The following HDGFL2 variants were observed in gnomAD, a reference collection of about 807,000 sequenced individuals.
The protein encoded by HDGFL2 is hepatoma-derived growth factor-related protein 2.
A neutral mutation model predicts 77.1 loss-of-function variants in HDGFL2; 36 were observed. The observed-to-expected ratio is 0.47, with a 90% CI of 0.36 to 0.62. The LOEUF (loss-of-function observed/expected upper bound fraction) is 0.62. Among genes scored for constraint, HDGFL2 ranks in the 20% least tolerant of loss-of-function variants. The probability of loss-of-function intolerance (pLI) is 0.00; values close to 1 mark genes in which losing one functional copy is unlikely to be tolerated. For synonymous variants in HDGFL2, 463 were observed against 413.1 expected (o/e 1.12, Z -1.46); for missense variants, 976 against 973.4 (o/e 1.00, Z -0.04).
chr19:4,497,754 G>T, intron 10 of HDGFL2: 1 of 576,526 alleles, frequency 1.7e-6, no homozygotes, highest in Non-Finnish European at 3.1e-6. Context: ...TTGTATCTTT[G>T]GGCAGCTCGA....
At chr19:4,492,715 G>A (rs1457376597) in intron 6 of HDGFL2, among the ~76,000 whole-genome samples, 1 of 143,548 alleles carries the variant, frequency 7.0e-6, no homozygotes, top group East Asian at 2.0e-4. Flanking sequence ...TCTGTGTGTG[G>A]TGTGTGGTGT....
At chr19:4,497,385 G>C in intron 10 of HDGFL2, 4 of 309,002 alleles carry the variant, frequency 1.3e-5, no homozygotes, top group East Asian at 2.1e-4. Flanking sequence ...TTTTAGTAGA[G>C]ACGGGGCTTC....
chr19:4,482,755 T>C (rs1443928187), intron 3 of HDGFL2, among the ~76,000 whole-genome samples: 1 of 152,198 alleles, frequency 6.6e-6, no homozygotes, highest in Non-Finnish European at 1.5e-5. Flanking sequence ...TTACTTGACC[T>C]CTCCCTGCCT....
intron 3 of HDGFL2, among the ~76,000 whole-genome samples, chr19:4,478,208 T>TTG (rs1188402541): frequency 5.3e-5 from 8 of 151,164 alleles, no homozygotes; most frequent in South Asian, 2.1e-4. Context: ...TTTTTTTTTT[T>TTG]TTGTTTTTTG....
Position 4,493,968 on chromosome 19 carries a change from T to C in HDGFL2, c.839-14T>C, listed in dbSNP as rs779293426. 1.9e-6 allele frequency: 3 copies of C among 1,603,680 alleles called. No individual in the cohort carries two copies. In the South Asian group the frequency reaches 3.4e-5, roughly 18 times the overall value. On this transcript the variant is annotated splice_polypyrimidine_tract_variant and intron_variant, in intron 7 of 15. Coordinates refer to ENST00000616600, the MANE Select transcript of HDGFL2 (RefSeq NM_001001520.3). The stretch of plus-strand genomic sequence containing the variant: ...CCTGGAAGGGAAGGTCACCCCCTCC[T>C]CCTCTTCCTGTAGCGGAGAAGCCTC...
In HDGFL2 at chr19:4,493,689, C is replaced by T. The variant is rs2145200982; in HGVS notation, c.679-14C>T. ...GGGCTCCTGATGCTCACGCCTGTCC[C>T]TGCTTCTCCCCAGAAGGCGCCATCA... On this transcript the variant is annotated splice_polypyrimidine_tract_variant and intron_variant, in intron 6 of 15. Coordinates refer to ENST00000616600, the MANE Select transcript of HDGFL2 (RefSeq NM_001001520.3). The T allele has an allele frequency of 6.9e-7, 1 of 1,449,462 alleles. No homozygotes were observed. The highest frequency in any genetic ancestry group is 1.4e-5 in the South Asian group (1 of 69,040). The allele number at this position is 1,449,462 out of a possible 1,614,324, so 89.8% of individuals were successfully genotyped here. A position where few individuals can be genotyped will look rare whatever the true frequency, so the allele number is the denominator to read the frequency against.
chr19:4,493,959 A>T, intron 7 of HDGFL2, 23 bp from the exon 8 acceptor site: 1 of 1,590,268 alleles, frequency 6.3e-7, no homozygotes, highest in Non-Finnish European at 8.6e-7. Context: ...AGGGAAGGTC[A>T]CCCCCTCCTC....
Position 4,472,375 on chromosome 19 carries a change from G to T in HDGFL2, c.25G>T (p.Asp9Tyr). 1 of 1,519,864 alleles carries T rather than the reference G, an allele frequency of 6.6e-7. No homozygotes were observed. The allele number at this position is 1,519,864 out of a possible 1,614,324, so 94.1% of individuals were successfully genotyped here. A position where few individuals can be genotyped will look rare whatever the true frequency, so the allele number is the denominator to read the frequency against. ...CATGCCACACGCCTTCAAGCCCGGG[G>T]ACTTGGTGTTCGCTAAGATGAAGGG... MPHAFKPG[D>Y]LVFAKMKGYP... The change falls in exon 1 of 16, where the codon GAC (aspartate) becomes TAC (tyrosine). Residue 9 changes from aspartate to tyrosine, a missense_variant. Coordinates refer to ENST00000616600, the MANE Select transcript of HDGFL2 (RefSeq NM_001001520.3).
chr19:4,480,599 A>T (rs780584583), intron 3 of HDGFL2, among the ~76,000 whole-genome samples: 2 of 152,084 alleles, frequency 1.3e-5, no homozygotes, highest in African/African-American at 2.4e-5. Flanking sequence ...GGTGCCTGTG[A>T]TCCCAGCTAC....
intron 3 of HDGFL2, among the ~76,000 whole-genome samples, chr19:4,481,194 T>A (rs1210112036): frequency 7.1e-6 from 1 of 140,736 alleles, no homozygotes; most frequent in African/African-American, 2.6e-5. Context: ...GCTAATTTTT[T>A]TTTTTTTTTT....
chr19:4,498,699 A>G lies in HDGFL2; in HGVS notation c.1474-115A>G, dbSNP rs1975774581. On this transcript the variant is annotated intron_variant, in intron 12 of 15. Transcript: ENST00000616600. ...CGGGGGCTGAGGGGAGCTGTTCTGCAGATACAGCTCCCCTCAAGGAGAGCC... is the reference window on the plus strand; with the variant it reads ...CGGGGGCTGAGGGGAGCTGTTCTGCGGATACAGCTCCCCTCAAGGAGAGCC... 14 of 698,082 alleles carry G rather than the reference A, an allele frequency of 2.0e-5. No homozygotes were observed. In the South Asian group the frequency reaches 2.3e-4, roughly 11 times the overall value. The allele number at this position is 698,082 out of a possible 1,614,324, so 43.2% of individuals were successfully genotyped here.
intron 3 of HDGFL2, among the ~76,000 whole-genome samples, chr19:4,478,689 T>C (rs1975135008): frequency 7.4e-6 from 1 of 134,634 alleles, no homozygotes; most frequent in Non-Finnish European, 1.5e-5. Flanking sequence ...GGTTGGTTGG[T>C]TTTTTTTTTT....
chr19:4,475,185 G>A, intron 1 of HDGFL2, 90 bp from the exon 2 acceptor site: 1 of 1,108,794 alleles, frequency 9.0e-7, no homozygotes, highest in Non-Finnish European at 1.3e-6. Context: ...CCTCCTCCCA[G>A]CGTGATTTGC....
rs375705408 is a variant in HDGFL2, at chr19:4,475,362, C to G, written c.149+11C>G. On this transcript the variant is annotated intron_variant, in intron 2 of 15. Transcript: ENST00000616600. Reference sequence around the variant, plus strand: ...TGGCACACACGAAACGTAAGTGTCCCCTTCTGGGGCTTGGTTTTCTCCTCT... The same window carrying G: ...TGGCACACACGAAACGTAAGTGTCCGCTTCTGGGGCTTGGTTTTCTCCTCT... The G allele has an allele frequency of 6.3e-5, 101 of 1,613,986 alleles. No individual in the cohort carries two copies. In the African/African-American group the frequency reaches 1.2e-3, roughly 19 times the overall value.
At position 4,499,504 on chromosome 19, in the gene HDGFL2, A is replaced by G. The variant is rs1346921852; in HGVS notation, c.1589A>G (p.Lys530Arg). The change falls in exon 14 of 16, where the codon AAA becomes AGA. Residue 530 changes from lysine (K) to arginine (R), a missense_variant. By Grantham distance (26) the Lys-to-Arg change is conservative (BLOSUM62 2). Transcript: ENST00000616600. Reference protein sequence around the residue: ...VATLKKIRRYKANKDVMEKAA... With the variant: ...VATLKKIRRYRANKDVMEKAA... ...CTTGGTGGCCAGATTCGCCGTTACA[A>G]AGCGAACAAGGACGTAATGGAGAAG... 1.2e-6 allele frequency: 2 copies of G among 1,613,494 alleles called. No homozygotes were observed. The highest frequency in any genetic ancestry group is 1.7e-5 in the Admixed American group (1 of 59,962).
chr19:4,487,652 C>G (rs541756662), intron 3 of HDGFL2, among the ~76,000 whole-genome samples: 1 of 152,330 alleles, frequency 6.6e-6, no homozygotes, highest in African/African-American at 2.4e-5. Context: ...TTCAGGGTCT[C>G]CCGCTAGAAA....
chr19:4,491,645 C>T lies in HDGFL2; in HGVS notation c.569C>T (p.Ser190Leu), dbSNP rs76043051. ...ASVSPSEEEN[S>L]ESSSESEKTS... ...GTGTCCCCATCCGAAGAGGAGAACT[C>T]GGAAAGCTCATCTGAGTCGGAGAAG... is the stretch of plus-strand genomic sequence containing the variant. Residue 190 changes from serine to leucine, a missense_variant, in exon 5 of 16, where the codon TCG becomes TTG. Coordinates refer to ENST00000616600, the MANE Select transcript of HDGFL2 (RefSeq NM_001001520.3). 9.6e-4 allele frequency: 1,548 copies of T among 1,614,034 alleles called. 26 individuals carry two copies. In the East Asian group the frequency reaches 0.029, roughly 31 times the overall value.
intron 3 of HDGFL2, among the ~76,000 whole-genome samples, chr19:4,486,635 T>A (rs1291843093): frequency 1.3e-5 from 2 of 151,930 alleles, no homozygotes; most frequent in Admixed American, 6.6e-5. Flanking sequence ...GTCAAGAGAT[T>A]GAGATCATCC....
At position 4,493,751 on chromosome 19, in the gene HDGFL2, G is replaced by T; in HGVS notation, c.727G>T (p.Ala243Ser). 1 of 1,539,236 alleles carries T rather than the reference G, an allele frequency of 6.5e-7. No individual in the cohort carries two copies. Among genetic ancestry groups the T allele is most frequent in the Non-Finnish European group, 8.8e-7 (1 of 1,139,120 alleles). Residue 243 changes from alanine (A) to serine (S), a missense_variant, in exon 7 of 16, where the codon GCC becomes TCC. Physicochemically the swap from Ala to Ser is moderately conservative, Grantham distance 99 (BLOSUM62 1). Around this residue, in one of 5 missense-constraint regions of HDGFL2, gnomAD observed 567 missense variants for 534.7 expected, o/e 1.06. Transcript: ENST00000616600. ...CGACTCCAAGGCCGATTCGGACGGG[G>T]CCAAGCCTGAGCCGGTGGCCATGGC... ...DSDSKADSDG[A>S]KPEPVAMARS...
Sources: allele counts gnomAD v4.1 joint callset (sites outside exome capture counted in the v4.1 genomes callset), GRCh38; gene constraint gnomAD v4.1.1; regional missense constraint gnomAD v4.1.1; transcripts MANE v1.5; gene names NCBI Gene and HGNC (gene_info 2026-07-23, HGNC 2026-07-21).